The following ERG variants were observed in gnomAD, a reference collection of about 807,000 sequenced individuals.
The protein encoded by ERG is ETS transcription factor ERG, also known as transcriptional regulator ERG.
In ERG, 9 loss-of-function variants were observed where a neutral mutation model predicts 55.3. The observed-to-expected ratio is 0.16, with a 90% CI of 0.10 to 0.28. The LOEUF (loss-of-function observed/expected upper bound fraction) is 0.28, where lower values mean the gene tolerates loss of function less well. Among genes scored for constraint, ERG ranks in the 10% least tolerant of loss-of-function variants. ERG has a pLI of 1.00. For missense variants in ERG, 434 were observed against 631.6 expected (o/e 0.69, Z 3.35); for synonymous variants, 223 against 237.3 (o/e 0.94, Z 0.55).
chr21:38,622,518 C>T (rs561157658), intron 1 of ERG, among the ~76,000 whole-genome samples: 2 of 150,128 alleles, frequency 1.3e-5, no homozygotes, highest in East Asian at 4.0e-4. Context: ...ACCACACACA[C>T]ACCACACATC....
chr21:38,585,532 C>CTTTTTTTTTTT (rs760791568), upstream of ERG, among the ~76,000 whole-genome samples: 1,441 of 59,248 alleles, frequency 0.024, 324 homozygotes, highest in Middle Eastern at 0.036. Flanking sequence ...TCTCTCTCTT[C>CTTTTTTTTTTT]TTTTTTTTTT....
chr21:38,382,424 C>T lies in ERG; in HGVS notation c.*979G>A. On this transcript the variant is annotated 3_prime_UTR_variant, in exon 10 of 10. Coordinates refer to ENST00000288319, the MANE Select transcript of ERG (RefSeq NM_182918.4). ...TAATGATGAGGTCCTGAATGTTTCT[C>T]TTAAATATCAGACAATTCCAGTTAA... The T allele has an allele frequency of 9.4e-7, 1 of 1,061,532 alleles. No individual in the cohort carries two copies. Among genetic ancestry groups the T allele is most frequent in the Non-Finnish European group, 1.1e-6 (1 of 876,632 alleles). The allele number at this position is 1,061,532 out of a possible 1,614,324, so 65.8% of individuals were successfully genotyped here. A position where few individuals can be genotyped will look rare whatever the true frequency, so the allele number is the denominator to read the frequency against.
At chr21:38,590,678 CCCAT>C (rs2060095176) in intron 1 of ERG, among the ~76,000 whole-genome samples, 1 of 151,924 alleles carries the variant, frequency 6.6e-6, no homozygotes. Context: ...CATCCATCCA[CCCAT>C]CCATCCATGT....
At chr21:38,519,531 G>A (rs1005991553) in intron 2 of ERG, among the ~76,000 whole-genome samples, 1 of 152,170 alleles carries the variant, frequency 6.6e-6, no homozygotes, top group Admixed American at 6.5e-5. Context: ...CCTACTCTCA[G>A]GCTTCCTTGT....
downstream of ERG, among the ~76,000 whole-genome samples, chr21:38,377,890 T>G (rs1211671290): frequency 2.6e-5 from 4 of 152,180 alleles, no homozygotes; most frequent in Non-Finnish European, 5.9e-5. Flanking sequence ...TATGCAAGTG[T>G]GCTGTAGGGG....
chr21:38,566,080 C>T (rs1460879158), intron 2 of ERG, among the ~76,000 whole-genome samples: 1 of 152,142 alleles, frequency 6.6e-6, no homozygotes, highest in Non-Finnish European at 1.5e-5. Flanking sequence ...AAATAGTGCT[C>T]TCAGATACTT....
intron 2 of ERG, among the ~76,000 whole-genome samples, chr21:38,527,585 T>C (rs868491131): frequency 1.3e-5 from 2 of 152,144 alleles, no homozygotes; most frequent in East Asian, 1.9e-4. Flanking sequence ...GAGGCGTTGA[T>C]TGCAGTTTTC....
intron 2 of ERG, among the ~76,000 whole-genome samples, chr21:38,509,153 A>G (rs1368995646): frequency 1.3e-5 from 2 of 152,212 alleles, no homozygotes; most frequent in African/African-American, 2.4e-5. Flanking sequence ...TCTAAATAAT[A>G]AAGTGATCAT....
rs1987516185 is a variant in ERG, at chr21:38,382,951, T to C, written c.*452A>G. 8.4e-6 allele frequency: 9 copies of C among 1,067,124 alleles called. No homozygotes were observed. Among genetic ancestry groups the C allele is most frequent in the African/African-American group, 1.6e-5 (1 of 61,134 alleles). The allele number at this position is 1,067,124 out of a possible 1,614,324, so 66.1% of individuals were successfully genotyped here. ...TGTCTTTTCTCTTGTTTTTGATATG[T>C]TTCTATTTTTAAATACAGGTAGTTT... On this transcript the variant is annotated 3_prime_UTR_variant, in exon 10 of 10. Transcript: ENST00000288319.
At chr21:38,436,810 G>C (rs1273501389) in intron 2 of ERG, among the ~76,000 whole-genome samples, 14 of 151,882 alleles carry the variant, frequency 9.2e-5, no homozygotes, top group Admixed American at 9.2e-4. Context: ...ACATCGCTCT[G>C]TACTGAATGT....
At position 38,612,758 on chromosome 21, in the gene ERG, G is replaced by T. The variant is rs572637269; in HGVS notation, c.-149-27813C>A. Among the ~76,000 whole-genome samples the T allele has an allele frequency of 3.3e-3, 506 of 151,714 alleles. 4 individuals are homozygous for T. Among genetic ancestry groups the T allele is most frequent in the African/African-American group, 0.012 (479 of 41,348 alleles). On this transcript the variant is annotated intron_variant, in intron 1 of 10. Coordinates refer to the ERG transcript ENST00000398910. ...GGCTCACTGCAACCTCCGCCTCCTGGGTTCAGGCGATTCTCCTGCCTCAGC... is the reference window on the plus strand; with the variant it reads ...GGCTCACTGCAACCTCCGCCTCCTGTGTTCAGGCGATTCTCCTGCCTCAGC...
intron 2 of ERG, among the ~76,000 whole-genome samples, chr21:38,537,181 A>G (rs78221814): frequency 0.018 from 2,672 of 152,272 alleles, 94 homozygotes; most frequent in African/African-American, 0.061. Context: ...AAAAAATAAA[A>G]GCTAAAACTC....
At chr21:38,375,701 A>AGCTGCTGAT (rs1246973067), downstream of ERG, among the ~76,000 whole-genome samples, 1 of 152,222 alleles carries the variant, frequency 6.6e-6, no homozygotes, top group Non-Finnish European at 1.5e-5. Flanking sequence ...ACTCAACTGA[A>AGCTGCTGAT]GCTGAACGTT....
At chr21:38,590,924 A>T (rs2060096861) in intron 1 of ERG, among the ~76,000 whole-genome samples, 1 of 152,350 alleles carries the variant, frequency 6.6e-6, no homozygotes, top group East Asian at 1.9e-4. Flanking sequence ...AGAGCTTTTT[A>T]AAAACAGAAA....
chr21:38,392,396 T>C lies in ERG; in HGVS notation c.794A>G (p.His265Arg). 6.4e-7 allele frequency: 1 copy of C among 1,567,170 alleles called. No homozygotes were observed. Among genetic ancestry groups the C allele is most frequent in the Non-Finnish European group, 8.7e-7 (1 of 1,154,316 alleles). The change falls in exon 7 of 10, where the codon CAC becomes CGC. Residue 265 changes from histidine (H) to arginine (R), a missense_variant. Transcript: ENST00000288319. ...TGTACCTTTCGACTGGGGCGTGGGG[T>C]GGCCGTGACCGGTCCAGGCTGATCT... Reference protein sequence around the residue: ...PRRSAWTGHGHPTPQSKAAQP... With the variant: ...PRRSAWTGHGRPTPQSKAAQP...
At chr21:38,434,835 A>T in intron 2 of ERG, among the ~76,000 whole-genome samples, 1 of 152,340 alleles carries the variant, frequency 6.6e-6, no homozygotes, top group Middle Eastern at 3.4e-3. Context: ...ATGGCTGTGC[A>T]TGCGTGTATG....
At chr21:38,571,805 A>G (rs1409123003) in intron 2 of ERG, among the ~76,000 whole-genome samples, 1 of 152,186 alleles carries the variant, frequency 6.6e-6, no homozygotes, top group Admixed American at 6.5e-5. Flanking sequence ...TTCTGGCAGA[A>G]AAGAGTCATC....
At chr21:38,399,899 A>G (rs1362744900) in intron 6 of ERG, 2 of 184,650 alleles carry the variant, frequency 1.1e-5, no homozygotes, top group Non-Finnish European at 2.3e-5. Flanking sequence ...CGGTTTGTTC[A>G]CCATCATACC....
At chr21:38,370,558 T>C in the ERG span, among the ~76,000 whole-genome samples, 1 of 152,142 alleles carries the variant, frequency 6.6e-6, no homozygotes, top group East Asian at 1.9e-4. Context: ...GTTTAAATTT[T>C]ACATTTAAAT....
Sources: allele counts gnomAD v4.1 joint callset (sites outside exome capture counted in the v4.1 genomes callset), GRCh38; gene constraint gnomAD v4.1.1; transcripts MANE v1.5; gene names NCBI Gene and HGNC (gene_info 2026-07-23, HGNC 2026-07-21).